Variants in POT1 observed in about 807,000 individuals in gnomAD.
POT1 encodes the protein protection of telomeres protein 1.
A neutral mutation model predicts 78.5 loss-of-function variants in POT1; 47 were observed. That is an observed-to-expected ratio of 0.60 (90% CI 0.47 to 0.76). POT1 has a LOEUF of 0.76. Ranked by LOEUF, POT1 falls within the 30% of genes least tolerant of loss-of-function variation. POT1 has a pLI of 0.00. For missense variants in POT1, 646 were observed against 749.9 expected (o/e 0.86, Z 1.62); for synonymous variants, 259 against 260.7 (o/e 0.99, Z 0.06).
intron 3 of POT1, among the ~76,000 whole-genome samples, chr7:124,906,997 A>G (rs1796781122): frequency 6.6e-6 from 1 of 152,162 alleles, no homozygotes; most frequent in Non-Finnish European, 1.5e-5. Context: ...CATTCAAACA[A>G]GAATTGGAAT....
chr7:124,900,388 AG>A lies in POT1; in HGVS notation c.-153-2015del, dbSNP rs111542796. ...TAGAATCTATCACAGATTCTCTCTC[AG>A]AAACAAGTAATTCTACCTTCCTCTA... On this transcript the variant is annotated intron_variant, in intron 3 of 18. Coordinates refer to ENST00000357628, the MANE Select transcript of POT1 (RefSeq NM_015450.3). Among the ~76,000 whole-genome samples the A allele has an allele frequency of 7.8e-3, 1,191 of 152,258 alleles. 19 individuals carry two copies. The highest frequency in any genetic ancestry group is 0.028 in the African/African-American group (1,146 of 41,552).
chr7:124,908,779 CTAAA>C (rs778438366), intron 3 of POT1, among the ~76,000 whole-genome samples: 12 of 151,808 alleles, frequency 7.9e-5, no homozygotes, highest in Non-Finnish European at 1.6e-4. Flanking sequence ...GTTTGGACAA[CTAAA>C]TAAATAATCA....
intron 15 of POT1, among the ~76,000 whole-genome samples, chr7:124,834,652 T>G (rs1241696384): frequency 1.3e-5 from 2 of 152,164 alleles, no homozygotes; most frequent in Non-Finnish European, 2.9e-5. Context: ...GGTGGGAGTG[T>G]AAATTAGTTC....
In POT1 at chr7:124,841,188, T is replaced by A; in HGVS notation, c.1164-10A>T. 1 of 1,606,902 alleles carries A rather than the reference T, an allele frequency of 6.2e-7. No individual in the cohort carries two copies. The highest frequency in any genetic ancestry group is 1.1e-5 in the South Asian group (1 of 89,708). ...ATGTGGAACTTCTTGCCTAAAATTA[T>A]TGGCAATGAAATGATAGAAATCGAT... is the stretch of plus-strand genomic sequence containing the variant. On this transcript the variant is annotated splice_polypyrimidine_tract_variant and intron_variant, in intron 13 of 18. Transcript: ENST00000357628.
rs115281768 is a variant in POT1 at position 124,872,852 on chromosome 7, C to T, written c.125-1811G>A. 2.0e-3 allele frequency among the ~76,000 whole-genome samples: 304 copies of T among 152,264 alleles called. 2 individuals are homozygous for T. The highest frequency in any genetic ancestry group is 6.6e-3 in the African/African-American group (276 of 41,560). ...TGCAAATGTTATCTTTTCTTCACAC[C>T]CTCTCGATACTAGTCTTCTTTTTGA... On this transcript the variant is annotated intron_variant, in intron 6 of 18. Transcript: ENST00000357628.
intron 6 of POT1, among the ~76,000 whole-genome samples, chr7:124,883,438 A>G (rs1796169805): frequency 6.6e-6 from 1 of 152,128 alleles, no homozygotes; most frequent in Non-Finnish European, 1.5e-5. Flanking sequence ...TGACATATAT[A>G]ACTTTGAATT....
intron 7 of POT1, 143 bp from the exon 8 acceptor site, chr7:124,863,783 T>A: frequency 1.5e-6 from 1 of 646,616 alleles, no homozygotes. Context: ...ATTTTTCATT[T>A]AATTAGCATG....
chr7:124,900,179 G>A (rs900685886), intron 3 of POT1, among the ~76,000 whole-genome samples: 1 of 152,032 alleles, frequency 6.6e-6, no homozygotes, highest in Non-Finnish European at 1.5e-5. Flanking sequence ...AAGCAACTCT[G>A]CCTGTTTTAT....
At chr7:124,895,387 A>C (rs1796468254) in intron 5 of POT1, among the ~76,000 whole-genome samples, 1 of 151,576 alleles carries the variant, frequency 6.6e-6, no homozygotes, top group Admixed American at 6.6e-5. Context: ...TTATGGAATC[A>C]ATCAGTCAGG....
At chr7:124,893,868 T>C (rs375531008) in intron 5 of POT1, among the ~76,000 whole-genome samples, 22 of 151,588 alleles carry the variant, frequency 1.5e-4, no homozygotes, top group Non-Finnish European at 2.7e-4. Flanking sequence ...TCGTGTCTCC[T>C]TAGGTGTTGA....
intron 16 of POT1, chr7:124,829,040 G>C (rs959540495): frequency 2.7e-6 from 2 of 743,914 alleles, no homozygotes; most frequent in African/African-American, 3.4e-5. Flanking sequence ...TAAGGCATAG[G>C]GGAAAGTATG....
At chr7:124,843,406 CATT>C (rs1177901899) in intron 12 of POT1, among the ~76,000 whole-genome samples, 1 of 152,040 alleles carries the variant, frequency 6.6e-6, no homozygotes, top group African/African-American at 2.4e-5. Flanking sequence ...ACAGAACCAT[CATT>C]ATAAAATCAG....
intron 9 of POT1, among the ~76,000 whole-genome samples, chr7:124,855,047 C>T (rs965765910): frequency 2.6e-5 from 4 of 151,278 alleles, no homozygotes; most frequent in Non-Finnish European, 5.9e-5. Context: ...TTCCCAGAAG[C>T]TTTCATGGAA....
intron 3 of POT1, among the ~76,000 whole-genome samples, chr7:124,898,644 A>T (rs1194350855): frequency 6.6e-6 from 1 of 152,054 alleles, no homozygotes; most frequent in South Asian, 2.1e-4. Flanking sequence ...TAAATCACTA[A>T]GAAAGTTTTA....
chr7:124,923,334 AAAG>A (rs1434912995), intron 2 of POT1, among the ~76,000 whole-genome samples: 1 of 151,900 alleles, frequency 6.6e-6, no homozygotes, highest in Non-Finnish European at 1.5e-5. Context: ...TAAAAAAAGA[AAAG>A]AAAACGGAAA....
In POT1 at chr7:124,897,156, T is replaced by A; in HGVS notation, c.9+9A>T. The stretch of plus-strand genomic sequence containing the variant: ...GTAATACTCTAAATTAAACTGAATA[T>A]CATCTTACCAAAGACATTGATTCTG... On this transcript the variant is annotated intron_variant, in intron 5 of 18. Transcript: ENST00000357628. The A allele has an allele frequency of 6.9e-7, 1 of 1,446,780 alleles. No homozygotes were observed. Among genetic ancestry groups the A allele is most frequent in the Non-Finnish European group, 9.6e-7 (1 of 1,043,146 alleles). The allele number at this position is 1,446,780 out of a possible 1,614,324, so 89.6% of individuals were successfully genotyped here. A position where few individuals can be genotyped will look rare whatever the true frequency, so the allele number is the denominator to read the frequency against.
chr7:124,833,249 T>C lies in POT1; in HGVS notation c.1505+2030A>G, dbSNP rs118049479. ...CTTTCGCTTTATGGCTAAAATTTTA[T>C]GATATGTTGGAAGGACAGAGGGCAA... On this transcript the variant is annotated intron_variant, in intron 15 of 18. Coordinates refer to ENST00000357628, the MANE Select transcript of POT1 (RefSeq NM_015450.3). Among the ~76,000 whole-genome samples, 1,210 of 152,234 alleles carry C rather than the reference T, an allele frequency of 7.9e-3. 21 individuals carry two copies. The highest frequency in any genetic ancestry group is 0.047 in the East Asian group (243 of 5,158).
At chr7:124,839,857 C>A (rs1794984191) in intron 14 of POT1, among the ~76,000 whole-genome samples, 1 of 151,958 alleles carries the variant, frequency 6.6e-6, no homozygotes, top group Non-Finnish European at 1.5e-5. Flanking sequence ...ACTCAAAGTC[C>A]ACAGTTTACA....
At chr7:124,831,195 T>G (rs922171645) in intron 15 of POT1, among the ~76,000 whole-genome samples, 3 of 152,196 alleles carry the variant, frequency 2.0e-5, no homozygotes, top group Non-Finnish European at 4.4e-5. Flanking sequence ...TGGAGTGAAC[T>G]TGGTAGAAAC....
Sources: allele counts gnomAD v4.1 joint callset (sites outside exome capture counted in the v4.1 genomes callset), GRCh38; gene constraint gnomAD v4.1.1; transcripts MANE v1.5; gene names NCBI Gene and HGNC (gene_info 2026-07-23, HGNC 2026-07-21).